Variants in NRG2 observed in about 807,000 individuals in gnomAD.
NRG2 encodes the protein pro-neuregulin-2, membrane-bound isoform.
NRG2 carries 27 observed loss-of-function variants against 73.9 expected under a neutral mutation model. The ratio of observed to expected loss-of-function variants is 0.37; its 90% CI spans 0.27 to 0.50. The LOEUF (loss-of-function observed/expected upper bound fraction) is 0.50. Ranked by LOEUF, NRG2 falls within the 20% of genes least tolerant of loss-of-function variation. The pLI, the probability that NRG2 is intolerant of heterozygous loss-of-function variation, is 0.96. For missense variants in NRG2, 1,126 were observed against 1,210.1 expected (o/e 0.93, Z 1.03); for synonymous variants, 532 against 541.0 (o/e 0.98, Z 0.23).
In NRG2 at chr5:140,042,456, A is replaced by G. The variant is rs776329237; in HGVS notation, c.614T>C (p.Leu205Ser). The G allele has an allele frequency of 2.0e-5, 32 of 1,612,900 alleles. No homozygotes were observed. Among genetic ancestry groups the G allele is most frequent in the Admixed American group, 3.3e-5 (2 of 59,870 alleles). Residue 205 changes from leucine (L) to serine (S), a missense_variant, in exon 1 of 10, where the codon TTA (leucine) becomes TCA (serine). Physicochemically the swap from Leu to Ser is moderately radical, Grantham distance 145 (BLOSUM62 -2). Transcript: ENST00000361474. ...IFFLEPTEQPLVFKTAFAPLD... is the reference protein window; with the variant it reads ...IFFLEPTEQPSVFKTAFAPLD... Reference sequence around the variant, plus strand: ...GGGGGCAAAGGCCGTCTTAAAGACTAAGGGCTGTTCCGTGGGCTCCAGGAA... The same window carrying G: ...GGGGGCAAAGGCCGTCTTAAAGACTGAGGGCTGTTCCGTGGGCTCCAGGAA...
Position 139,877,498 on chromosome 5 carries a change from GGGTGTGGTTGCTGCAGGTCTCAT to G in NRG2, c.991+3335_991+3357del, listed in dbSNP as rs570952770. 1.6e-3 allele frequency among the ~76,000 whole-genome samples: 239 copies of G among 152,358 alleles called. 1 individual carries two copies. The highest frequency in any genetic ancestry group is 4.0e-3 in the Admixed American group (62 of 15,310). Reference sequence around the variant, plus strand: ...GATGAGTCAGAGGGGGCAGACCACAGGGTGTGGTTGCTGCAGGTCTCATGGGTTCTGTGGATAAACAAGGAGCC... The same window carrying G: ...GATGAGTCAGAGGGGGCAGACCACAGGGGTTCTGTGGATAAACAAGGAGCC... On this transcript the variant is annotated intron_variant, in intron 3 of 9. Coordinates refer to ENST00000361474, the MANE Select transcript of NRG2 (RefSeq NM_004883.3).
intron 5 of NRG2, among the ~76,000 whole-genome samples, chr5:139,857,756 A>G (rs6859144): frequency 0.21 from 31,786 of 151,858 alleles, 5,538 homozygotes; most frequent in African/African-American, 0.48. Flanking sequence ...CAGCTCATGG[A>G]TGCAGCACCA....
intron 1 of NRG2, among the ~76,000 whole-genome samples, chr5:139,937,082 G>A (rs533418955): frequency 5.9e-5 from 9 of 152,344 alleles, no homozygotes; most frequent in South Asian, 2.1e-4. Context: ...GATTGCAGGC[G>A]TGAGCCACCG....
intron 1 of NRG2, among the ~76,000 whole-genome samples, chr5:139,984,772 G>A (rs190904282): frequency 1.9e-4 from 29 of 152,304 alleles, no homozygotes; most frequent in Admixed American, 1.6e-3. Context: ...CTAAGTGACC[G>A]CTAAGGTCAC....
At chr5:139,879,832 G>A (rs866043260) in intron 3 of NRG2, among the ~76,000 whole-genome samples, 4 of 152,188 alleles carry the variant, frequency 2.6e-5, no homozygotes, top group African/African-American at 9.7e-5. Flanking sequence ...ATTAGACACA[G>A]TGGCAAGGGA....
In NRG2 at chr5:139,852,885, C is replaced by T. The variant is rs2127003904; in HGVS notation, c.1416+19G>A. ...TGTCCACTGAGGGCTCAGAAGGGGG[C>T]CCCAGGAAAGCCACTCACATCTGCC... is the stretch of plus-strand genomic sequence containing the variant. On this transcript the variant is annotated intron_variant, in intron 7 of 9. Transcript: ENST00000361474. The surrounding 1 kb of genome is among the most constrained non-coding windows in gnomAD (Gnocchi z 4.4). 1 of 1,613,016 alleles carries T rather than the reference C, an allele frequency of 6.2e-7. No homozygotes were observed. The highest frequency in any genetic ancestry group is 2.2e-5 in the East Asian group (1 of 44,846).
At chr5:139,862,209 C>T (rs1192482753) in intron 5 of NRG2, among the ~76,000 whole-genome samples, 4 of 152,166 alleles carry the variant, frequency 2.6e-5, no homozygotes, top group South Asian at 2.1e-4. Flanking sequence ...CTCTGGGAAC[C>T]GAATAGTAGC....
At chr5:140,021,461 G>A (rs997532830) in intron 1 of NRG2, among the ~76,000 whole-genome samples, 1 of 152,156 alleles carries the variant, frequency 6.6e-6, no homozygotes, top group Non-Finnish European at 1.5e-5. Context: ...GCCTAAGGTG[G>A]GTATGGAACA....
intron 1 of NRG2, among the ~76,000 whole-genome samples, chr5:140,035,599 T>C (rs771037066): frequency 6.6e-6 from 1 of 152,238 alleles, no homozygotes; most frequent in Non-Finnish European, 1.5e-5. Context: ...ACAATAGAAT[T>C]CATGATGTCC....
chr5:139,989,431 T>A (rs1011897648), intron 1 of NRG2, among the ~76,000 whole-genome samples: 2 of 152,026 alleles, frequency 1.3e-5, no homozygotes, highest in Non-Finnish European at 2.9e-5. Flanking sequence ...CTACCACATT[T>A]GGCCCCTACC....
At chr5:139,970,958 A>C (rs1409949170) in intron 1 of NRG2, among the ~76,000 whole-genome samples, 1 of 149,476 alleles carries the variant, frequency 6.7e-6, no homozygotes, top group Non-Finnish European at 1.5e-5. Flanking sequence ...TTTTTTTTTT[A>C]TTTTTTCCCC....
chr5:140,004,219 T>A (rs1329542366), intron 1 of NRG2, among the ~76,000 whole-genome samples: 1 of 152,188 alleles, frequency 6.6e-6, no homozygotes, highest in African/African-American at 2.4e-5. Context: ...AGGAATGATA[T>A]GTCTTATTAA....
intron 5 of NRG2, among the ~76,000 whole-genome samples, chr5:139,858,728 C>T (rs1561629806): frequency 1.3e-5 from 2 of 152,168 alleles, no homozygotes; most frequent in Non-Finnish European, 2.9e-5. Flanking sequence ...TGACATCTTG[C>T]CCTGACAGAC....
intron 4 of NRG2, among the ~76,000 whole-genome samples, chr5:139,867,710 T>C (rs1200978395): frequency 6.6e-6 from 1 of 151,820 alleles, no homozygotes; most frequent in African/African-American, 2.4e-5. Flanking sequence ...AAGAGACAGA[T>C]GTGTCTGTGT....
chr5:139,914,739 G>A (rs998668268), intron 1 of NRG2, among the ~76,000 whole-genome samples: 9 of 152,160 alleles, frequency 5.9e-5, no homozygotes, highest in African/African-American at 9.7e-5. Context: ...ATTCCTGCCC[G>A]TTTCTTAGTT....
At chr5:139,991,911 G>T (rs266020) in intron 1 of NRG2, among the ~76,000 whole-genome samples, 1 of 151,898 alleles carries the variant, frequency 6.6e-6, no homozygotes, top group African/African-American at 2.4e-5. Context: ...TTATTGGTCA[G>T]TTTGTTTTTC....
At chr5:140,042,300 C>G in intron 1 of NRG2, 70 bp downstream of exon 1, 1 of 1,256,740 alleles carries the variant, frequency 8.0e-7, no homozygotes, top group Non-Finnish European at 1.0e-6. Flanking sequence ...CAGCACCTCC[C>G]CGCCCCACCC....
chr5:139,963,829 C>T (rs1755264960), intron 1 of NRG2, among the ~76,000 whole-genome samples: 1 of 152,218 alleles, frequency 6.6e-6, no homozygotes, highest in Non-Finnish European at 1.5e-5. Flanking sequence ...AGCCCCACCC[C>T]AGCATGCAGA....
chr5:139,955,755 C>T (rs1248748024), intron 1 of NRG2, among the ~76,000 whole-genome samples: 3 of 152,134 alleles, frequency 2.0e-5, no homozygotes, highest in Admixed American at 1.3e-4. Context: ...GACTTCCATG[C>T]AAGCCCAGTG....
Sources: gnomAD v4.1 joint callset for allele counts (sites outside exome capture counted in the v4.1 genomes callset) on GRCh38, gnomAD v4.1.1 for gene constraint, Gnocchi (gnomAD v3.1) non-coding constraint, MANE v1.5 for transcripts, NCBI Gene and HGNC (gene_info 2026-07-23, HGNC 2026-07-21) for gene names.